The following CD55 variants were observed in gnomAD, a reference collection of about 807,000 sequenced individuals.
The protein encoded by CD55 is CD55 molecule (Cromer blood group).
CD55 carries 41 observed loss-of-function variants against 45.8 expected under a neutral mutation model. The observed-to-expected ratio is 0.90, with a 90% confidence interval of 0.70 to 1.16. The LOEUF is 1.16. CD55 is among the 50% of genes most tolerant of loss of function. CD55 has a pLI of 0.00. For missense variants in CD55, 416 were observed against 469.8 expected (o/e 0.89, Z 1.06); for synonymous variants, 181 against 181.1 (o/e 1.00, Z 0.01).
intron 6 of CD55, among the ~76,000 whole-genome samples, chr1:207,336,399 T>A (rs1655173161): frequency 6.6e-6 from 1 of 152,172 alleles, no homozygotes; most frequent in African/African-American, 2.4e-5. Flanking sequence ...TGCCACAGAA[T>A]AAGATCACTA....
chr1:207,346,000 T>G (rs147015132), intron 9 of CD55, among the ~76,000 whole-genome samples: 1 of 152,358 alleles, frequency 6.6e-6, no homozygotes, highest in East Asian at 1.9e-4. Flanking sequence ...GTGATGTTGC[T>G]GGCACCAGTG....
chr1:207,359,914 A>G lies in CD55; in HGVS notation c.*304A>G, dbSNP rs1226877295. On this transcript the variant is annotated 3_prime_UTR_variant, in exon 10 of 10. Coordinates refer to ENST00000367064, the MANE Select transcript of CD55 (RefSeq NM_000574.5). ...GTATTTAGAATGGGATCACGAGGAAAAGAGAAGGAAAGTGATTTTTTTCCA... is the reference window on the plus strand; with the variant it reads ...GTATTTAGAATGGGATCACGAGGAAGAGAGAAGGAAAGTGATTTTTTTCCA... 7.8e-6 allele frequency: 2 copies of G among 256,188 alleles called. No homozygotes were observed. Among genetic ancestry groups the G allele is most frequent in the Non-Finnish European group, 1.5e-5 (2 of 136,832 alleles). 15.9% of individuals were successfully genotyped at this position (256,188 alleles called of 1,614,324 possible).
Position 207,321,760 on chromosome 1 carries a change from C to T in CD55, c.-6C>T, listed in dbSNP as rs910122288. 4.0e-6 allele frequency: 6 copies of T among 1,508,588 alleles called. No homozygotes were observed. The highest frequency in any genetic ancestry group is 5.3e-6 in the Non-Finnish European group (6 of 1,135,524). The allele number at this position is 1,508,588 out of a possible 1,614,324, so 93.5% of individuals were successfully genotyped here. A position where few individuals can be genotyped will look rare whatever the true frequency, so the allele number is the denominator to read the frequency against. ...GCGGCGCGTCCTTGTTCTAACCCGG[C>T]GCGCCATGACCGTCGCGCGGCCGAG... is the stretch of plus-strand genomic sequence containing the variant. On this transcript the variant is annotated 5_prime_UTR_variant, in exon 1 of 10. Coordinates refer to ENST00000367064, the MANE Select transcript of CD55 (RefSeq NM_000574.5).
chr1:207,340,088 C>G lies in CD55; in HGVS notation c.1081+671C>G, dbSNP rs112237082. On this transcript the variant is annotated intron_variant, in intron 9 of 9. Coordinates refer to ENST00000367064, the MANE Select transcript of CD55 (RefSeq NM_000574.5). The stretch of plus-strand genomic sequence containing the variant: ...CCTTCTATCTAATTGTATGTTTATA[C>G]CCATCGGCCAAAGTCTCTTCATCCT... 5.5e-3 allele frequency among the ~76,000 whole-genome samples: 833 copies of G among 152,186 alleles called. 7 individuals are homozygous for G. The highest frequency in any genetic ancestry group is 0.018 in the African/African-American group (756 of 41,510).
chr1:207,356,737 G>C (rs917212504), intron 9 of CD55, among the ~76,000 whole-genome samples: 15 of 152,204 alleles, frequency 9.9e-5, no homozygotes, highest in African/African-American at 3.4e-4. Context: ...TAAGCACTCA[G>C]ATATTAAAAC....
intron 6 of CD55, among the ~76,000 whole-genome samples, chr1:207,334,006 C>G (rs1236305050): frequency 6.6e-6 from 1 of 152,048 alleles, no homozygotes; most frequent in Non-Finnish European, 1.5e-5. Flanking sequence ...GATACTTACT[C>G]AGAATTTTCC....
At position 207,343,068 on chromosome 1, in the gene CD55, G is replaced by A. The variant is rs558792460; in HGVS notation, c.1081+3651G>A. 3.3e-5 allele frequency among the ~76,000 whole-genome samples: 5 copies of A among 151,704 alleles called. No individual in the cohort carries two copies. The East Asian group carries it at 9.7e-4, about 29-fold the overall frequency. Reference sequence around the variant, plus strand: ...CTTTTTTCATTTCTGATTTTATTTGGGGCTTCTCTCTTTTTTTCTTGGTTA... The same window carrying A: ...CTTTTTTCATTTCTGATTTTATTTGAGGCTTCTCTCTTTTTTTCTTGGTTA... On this transcript the variant is annotated intron_variant, in intron 9 of 9. Coordinates refer to ENST00000367064, the MANE Select transcript of CD55 (RefSeq NM_000574.5).
chr1:207,345,281 T>G (rs999663066), intron 9 of CD55, among the ~76,000 whole-genome samples: 1 of 152,140 alleles, frequency 6.6e-6, no homozygotes, highest in Non-Finnish European at 1.5e-5. Flanking sequence ...TCAAAAGACC[T>G]GTCTTCAAGT....
intron 9 of CD55, among the ~76,000 whole-genome samples, chr1:207,357,587 G>A (rs1208224505): frequency 6.6e-6 from 1 of 151,310 alleles, no homozygotes; most frequent in Non-Finnish European, 1.5e-5. Flanking sequence ...AGGGCGGGCG[G>A]GGGCAGGGCA....
chr1:207,352,885 T>C (rs969366576), intron 9 of CD55, among the ~76,000 whole-genome samples: 85 of 152,224 alleles, frequency 5.6e-4, no homozygotes, highest in African/African-American at 1.9e-3. Flanking sequence ...TTTTTTAATG[T>C]ATTATTTCAT....
At position 207,321,879 on chromosome 1, in the gene CD55, C is replaced by A. The variant is rs28371587; in HGVS notation, c.100+14C>A. ...CGGCCGTGTGGGGTGAGTAGGGGCC[C>A]GGCGGCCGGGGAAGCCCCTGGGCTG... On this transcript the variant is annotated intron_variant, in intron 1 of 9. Coordinates refer to ENST00000367064, the MANE Select transcript of CD55 (RefSeq NM_000574.5). 1.3e-4 allele frequency: 197 copies of A among 1,507,384 alleles called. No homozygotes were observed. The highest frequency in any genetic ancestry group is 1.7e-4 in the Non-Finnish European group (191 of 1,130,992). 93.4% of individuals were successfully genotyped at this position (1,507,384 alleles called of 1,614,324 possible).
chr1:207,354,273 A>G (rs532852503), intron 9 of CD55: 78 of 982,068 alleles, frequency 7.9e-5, no homozygotes, highest in Admixed American at 1.2e-4. Flanking sequence ...GAGTTTTTCT[A>G]TGGCAATAAA....
intron 9 of CD55, among the ~76,000 whole-genome samples, chr1:207,349,909 A>G (rs1655795458): frequency 6.6e-6 from 1 of 152,164 alleles, no homozygotes; most frequent in Non-Finnish European, 1.5e-5. Flanking sequence ...AATAGGAATG[A>G]TAATAATGGA....
At chr1:207,350,913 T>C (rs2102436363) in intron 9 of CD55, among the ~76,000 whole-genome samples, 1 of 152,294 alleles carries the variant, frequency 6.6e-6, no homozygotes, top group South Asian at 2.1e-4. Context: ...TTGCTCTTGT[T>C]TTTTCTACAT....
intron 3 of CD55, 84 bp from the exon 4 acceptor site, chr1:207,325,538 A>C (rs1392270003): frequency 2.7e-6 from 2 of 729,968 alleles, no homozygotes; most frequent in Non-Finnish European, 4.6e-6. Flanking sequence ...GCTAATTAAC[A>C]TATCTACCAC....
At position 207,336,699 on chromosome 1, in the gene CD55, C is replaced by G; in HGVS notation, c.860C>G (p.Ser287Cys). ...TCAACCTTTTCTTTCACAGGAAAAT[C>G]TCTAACTTCCAAGGTCCCACCAACA... The part of the protein sequence containing the change: ...SGPPPECRGK[S>C]LTSKVPPTVQ... The change falls in exon 7 of 10, where the codon TCT (serine) becomes TGT (cysteine). Residue 287 changes from serine (S) to cysteine (C), a missense_variant. Coordinates refer to ENST00000367064, the MANE Select transcript of CD55 (RefSeq NM_000574.5). 6.2e-7 allele frequency: 1 copy of G among 1,613,158 alleles called. No individual in the cohort carries two copies. Among genetic ancestry groups the G allele is most frequent in the Middle Eastern group, 1.7e-4 (1 of 6,058 alleles).
At chr1:207,336,670 T>TTA in intron 6 of CD55, 23 bp from the exon 7 acceptor site, 1 of 1,612,280 alleles carries the variant, frequency 6.2e-7, no homozygotes, top group Middle Eastern at 1.7e-4. Context: ...AGCTAACTTG[T>TTA]TTCTCAACCT....
rs148565122 is a variant in CD55, at chr1:207,337,904, C to T, written c.1060+495C>T. 4.2e-3 allele frequency among the ~76,000 whole-genome samples: 632 copies of T among 152,064 alleles called. 4 individuals carry two copies. The highest frequency in any genetic ancestry group is 0.014 in the African/African-American group (597 of 41,490). On this transcript the variant is annotated intron_variant, in intron 8 of 9. Coordinates refer to ENST00000367064, the MANE Select transcript of CD55 (RefSeq NM_000574.5). Reference sequence around the variant, plus strand: ...AATACAGAGATCCTTTCAAATAGTTCGTATTATTACAAGGCTCTATAAACG... The same window carrying T: ...AATACAGAGATCCTTTCAAATAGTTTGTATTATTACAAGGCTCTATAAACG...
At chr1:207,358,360 A>G (rs571572000) in intron 9 of CD55, among the ~76,000 whole-genome samples, 12 of 152,330 alleles carry the variant, frequency 7.9e-5, no homozygotes, top group African/African-American at 2.4e-4. Flanking sequence ...ATGTTTGCCT[A>G]TCAGAGGATT....
Sources: allele counts gnomAD v4.1 joint callset (sites outside exome capture counted in the v4.1 genomes callset), GRCh38; gene constraint gnomAD v4.1.1; transcripts MANE v1.5; gene names NCBI Gene and HGNC (gene_info 2026-07-23, HGNC 2026-07-21).